Variants in PLOD1 observed in about 807,000 individuals in gnomAD.
The protein encoded by PLOD1 is lysine hydroxylase.
In PLOD1, 70 loss-of-function variants were observed where a neutral mutation model predicts 94.7. The ratio of observed to expected loss-of-function variants is 0.74; its 90% confidence interval spans 0.61 to 0.90. PLOD1 has a LOEUF of 0.90. Among genes scored for constraint, PLOD1 ranks in the 40% least tolerant of loss-of-function variants. PLOD1 has a pLI of 0.00. For missense variants in PLOD1, 905 were observed against 972.7 expected (o/e 0.93, Z 0.93); for synonymous variants, 417 against 400.2 (o/e 1.04, Z -0.50).
intron 1 of PLOD1, among the ~76,000 whole-genome samples, chr1:11,937,364 C>G (rs763821765): frequency 6.6e-6 from 1 of 152,164 alleles, no homozygotes; most frequent in African/African-American, 2.4e-5. Context: ...GAAAGGCCCT[C>G]GGCAAAGGGC....
chr1:11,946,615 A>G (rs1645656251), intron 1 of PLOD1, among the ~76,000 whole-genome samples: 2 of 152,212 alleles, frequency 1.3e-5, no homozygotes, highest in Admixed American at 6.5e-5. Context: ...CTAATTGTCT[A>G]TCATTGGCCA....
chr1:11,956,561 C>G (rs1645739080), intron 6 of PLOD1, among the ~76,000 whole-genome samples: 7 of 152,150 alleles, frequency 4.6e-5, no homozygotes, highest in Admixed American at 4.6e-4. Flanking sequence ...CAGACCCTTT[C>G]TCTTGGGGCT....
intron 10 of PLOD1, among the ~76,000 whole-genome samples, chr1:11,962,274 CTTTTTTTTTTT>C (rs780613164): frequency 1.0e-5 from 1 of 99,090 alleles, no homozygotes; most frequent in East Asian, 3.0e-4. Context: ...TTTTTGTTTT[CTTTTTTTTTTT>C]TTTTTTTTTG....
intron 1 of PLOD1, chr1:11,944,713 C>T (rs1645638432): frequency 2.4e-6 from 3 of 1,227,782 alleles, no homozygotes; most frequent in Non-Finnish European, 3.2e-6. Flanking sequence ...ACCCCCTCCT[C>T]CCCCAGCACC....
intron 6 of PLOD1, 95 bp downstream of exon 6, chr1:11,954,988 T>G (rs1645728686): frequency 4.1e-6 from 4 of 966,176 alleles, no homozygotes; most frequent in East Asian, 2.4e-5. Flanking sequence ...ATGGGCTGCT[T>G]CTTTCTGGCC....
chr1:11,948,257 AG>A (rs1175360270), intron 2 of PLOD1, among the ~76,000 whole-genome samples, 190 bp downstream of exon 2: 1 of 152,184 alleles, frequency 6.6e-6, no homozygotes, highest in Non-Finnish European at 1.5e-5. Context: ...GCATGAGTCT[AG>A]GGGGTGATGG....
At chr1:11,934,974 G>C (rs1645568532) in intron 1 of PLOD1, 119 bp downstream of exon 1, 1 of 1,261,088 alleles carries the variant, frequency 7.9e-7, no homozygotes, top group African/African-American at 1.6e-5. Flanking sequence ...TCTGGGTTCC[G>C]GCTCCTTGTC....
intron 10 of PLOD1, among the ~76,000 whole-genome samples, chr1:11,962,011 G>A (rs1469630078): frequency 1.3e-5 from 2 of 152,070 alleles, no homozygotes; most frequent in Non-Finnish European, 2.9e-5. Context: ...CCTGTCTCAA[G>A]CTCCCGAACT....
chr1:11,967,680 G>A (rs947268233), intron 16 of PLOD1, among the ~76,000 whole-genome samples: 6 of 131,922 alleles, frequency 4.5e-5, no homozygotes, highest in Middle Eastern at 4.1e-3. Flanking sequence ...TAATAGAGAC[G>A]GGGTCTGGCT....
At chr1:11,953,118 C>T (rs551205085) in intron 5 of PLOD1, among the ~76,000 whole-genome samples, 4 of 152,066 alleles carry the variant, frequency 2.6e-5, no homozygotes, top group East Asian at 1.9e-4. Context: ...TACAGTGGTG[C>T]GATCTCGGCT....
chr1:11,975,137 C>G lies in PLOD1; in HGVS notation c.*329C>G, dbSNP rs1218946907. 8 of 414,456 alleles carry G rather than the reference C, an allele frequency of 1.9e-5. No individual in the cohort carries two copies. Among genetic ancestry groups the G allele is most frequent in the Non-Finnish European group, 3.6e-5 (8 of 220,504 alleles). 25.7% of individuals were successfully genotyped at this position (414,456 alleles called of 1,614,324 possible). ...CCCCCACCTCTTCCATGGGGTGAGA[C>G]TTGAGCAGAACAGGGGCTTCCCCAA... On this transcript the variant is annotated 3_prime_UTR_variant, in exon 19 of 19. Transcript: ENST00000196061.
chr1:11,972,681 T>A lies in PLOD1; in HGVS notation c.1903-191T>A. 6.5e-6 allele frequency: 3 copies of A among 461,176 alleles called. No homozygotes were observed. Among genetic ancestry groups the A allele is most frequent in the Non-Finnish European group, 1.3e-5 (3 of 237,004 alleles). The allele number at this position is 461,176 out of a possible 1,614,324, so 28.6% of individuals were successfully genotyped here. ...TCCCTCCCTCTCTCCCCTCTGTCCA[T>A]ACATTTTTGTTGAGAACCTTTTCTG... On this transcript the variant is annotated intron_variant, in intron 17 of 18. Transcript: ENST00000196061. This position sits in a 1 kb window ranked among gnomAD's most constrained non-coding sequence, Gnocchi z 4.6.
chr1:11,968,891 GGGTGCAGTGGTGCAGT>G (rs1001535954), intron 16 of PLOD1, among the ~76,000 whole-genome samples: 2 of 150,504 alleles, frequency 1.3e-5, no homozygotes, highest in African/African-American at 2.5e-5. Flanking sequence ...GCCCAGGCTG[GGGTGCAGTGGTGCAGT>G]GGTGCAGTGG....
In PLOD1 at chr1:11,969,957, A is replaced by G. The variant is rs545948422; in HGVS notation, c.1756-713A>G. Among the ~76,000 whole-genome samples, 3 of 151,808 alleles carry G rather than the reference A, an allele frequency of 2.0e-5. No homozygotes were observed. The East Asian group carries it at 5.8e-4, about 29-fold the overall frequency. On this transcript the variant is annotated intron_variant, in intron 16 of 18. Coordinates refer to ENST00000196061, the MANE Select transcript of PLOD1 (RefSeq NM_000302.4). The stretch of plus-strand genomic sequence containing the variant: ...CCTCATCTCTACAAAGAATAAAATT[A>G]GTGGCTGGGTGCATGGCTCACGCCT...
At chr1:11,962,381 A>C (rs1238356504) in intron 10 of PLOD1, among the ~76,000 whole-genome samples, 1 of 138,072 alleles carries the variant, frequency 7.2e-6, no homozygotes, top group Non-Finnish European at 1.5e-5. Context: ...CGTTCACGCC[A>C]TTCTCCTGTC....
intron 12 of PLOD1, 97 bp from the exon 13 acceptor site, chr1:11,964,547 G>A: frequency 4.8e-6 from 6 of 1,262,150 alleles, no homozygotes; most frequent in Non-Finnish European, 7.0e-6. Flanking sequence ...CTCACACCCA[G>A]ACTCCAGGCT....
At chr1:11,956,444 G>A (rs1044625230) in intron 6 of PLOD1, among the ~76,000 whole-genome samples, 9 of 152,084 alleles carry the variant, frequency 5.9e-5, no homozygotes, top group African/African-American at 2.2e-4. Context: ...TGCTGCAGGG[G>A]CTCCCTCCAC....
chr1:11,949,725 A>C, intron 2 of PLOD1, 48 bp from the exon 3 acceptor site: 1 of 1,601,642 alleles, frequency 6.2e-7, no homozygotes, highest in South Asian at 1.1e-5. Flanking sequence ...CAGCCCTGGA[A>C]AAATATTTCT....
At chr1:11,937,425 A>G (rs1162221005) in intron 1 of PLOD1, among the ~76,000 whole-genome samples, 1 of 152,158 alleles carries the variant, frequency 6.6e-6, no homozygotes, top group Non-Finnish European at 1.5e-5. Flanking sequence ...GCAGTAAGAC[A>G]GCTCAGAAAG....
Sources: allele counts gnomAD v4.1 joint callset (sites outside exome capture counted in the v4.1 genomes callset), GRCh38; gene constraint gnomAD v4.1.1; non-coding constraint Gnocchi (gnomAD v3.1); transcripts MANE v1.5; gene names NCBI Gene and HGNC (gene_info 2026-07-23, HGNC 2026-07-21).